Variants in RBMS2 observed in about 807,000 individuals in gnomAD.
RBMS2 encodes RNA-binding motif, single-stranded-interacting protein 2.
Under a neutral mutation model 58.4 loss-of-function variants are expected in RBMS2, and 38 were observed. The observed-to-expected ratio is 0.65, with a 90% CI of 0.50 to 0.85. RBMS2 has a LOEUF of 0.85. Ranked by LOEUF, RBMS2 falls within the 40% of genes least tolerant of loss-of-function variation. The probability of loss-of-function intolerance (pLI) is 0.00; values close to 1 mark genes in which losing one functional copy is unlikely to be tolerated. For missense variants in RBMS2, 367 were observed against 503.7 expected (o/e 0.73, Z 2.60); for synonymous variants, 151 against 180.7 (o/e 0.84, Z 1.32).
chr12:56,564,789 C>G (rs1029434794), intron 2 of RBMS2, among the ~76,000 whole-genome samples: 3 of 152,176 alleles, frequency 2.0e-5, no homozygotes, highest in African/African-American at 7.2e-5. Context: ...GCCTGGCCAA[C>G]ATGGTTAAAC....
chr12:56,583,947 T>C (rs1884321808), intron 9 of RBMS2, among the ~76,000 whole-genome samples: 3 of 152,204 alleles, frequency 2.0e-5, no homozygotes, highest in Admixed American at 6.5e-5. Flanking sequence ...CCTCAAACTT[T>C]AGCGATGTAT....
chr12:56,582,190 C>CT, intron 9 of RBMS2, 38 bp downstream of exon 9: 1 of 1,516,584 alleles, frequency 6.6e-7, no homozygotes, highest in South Asian at 1.2e-5. Context: ...GTGGTTTTCC[C>CT]TACTACTGTG....
At chr12:56,569,092 C>A in intron 3 of RBMS2, 59 bp downstream of exon 3, 1 of 1,460,944 alleles carries the variant, frequency 6.8e-7, no homozygotes, top group Non-Finnish European at 9.6e-7. Context: ...CATCCCTTGA[C>A]ACTGCCCTTT....
chr12:56,528,739 G>A (rs1394098047), intron 1 of RBMS2, among the ~76,000 whole-genome samples: 1 of 152,080 alleles, frequency 6.6e-6, no homozygotes, highest in Non-Finnish European at 1.5e-5. Context: ...CCAGCCCGGG[G>A]CAACATGGTG....
chr12:56,588,586 G>A lies in RBMS2; in HGVS notation c.1143+212G>A, dbSNP rs927605344. On this transcript the variant is annotated intron_variant, in intron 12 of 13. Transcript: ENST00000262031. ...GAGAAGATTATGGCCCCTGTGCAAG[G>A]ATGACATGCAAATTTGTGAAGCGTT... The A allele has an allele frequency of 8.5e-6, 5 of 586,962 alleles. No homozygotes were observed. The African/African-American group carries it at 9.3e-5, about 11-fold the overall frequency. The allele number at this position is 586,962 out of a possible 1,614,324, so 36.4% of individuals were successfully genotyped here. A position where few individuals can be genotyped will look rare whatever the true frequency, so the allele number is the denominator to read the frequency against.
chr12:56,543,812 C>T (rs375143571), intron 1 of RBMS2, among the ~76,000 whole-genome samples: 2 of 151,738 alleles, frequency 1.3e-5, no homozygotes, highest in African/African-American at 2.4e-5. Context: ...GGATTACAGG[C>T]GTGCGCCACC....
chr12:56,540,428 G>C (rs1199883689), intron 1 of RBMS2, among the ~76,000 whole-genome samples: 2 of 152,056 alleles, frequency 1.3e-5, no homozygotes, highest in Non-Finnish European at 2.9e-5. Context: ...GGCTGGAGTG[G>C]AGTGGTGTGA....
chr12:56,588,754 G>C, intron 12 of RBMS2, 178 bp from the exon 13 acceptor site: 1 of 658,456 alleles, frequency 1.5e-6, no homozygotes, highest in Non-Finnish European at 2.7e-6. Context: ...CTTGGGAAGA[G>C]GACAGGCTGT....
chr12:56,525,333 C>T (rs577328231), intron 1 of RBMS2, among the ~76,000 whole-genome samples: 37 of 149,334 alleles, frequency 2.5e-4, no homozygotes, highest in African/African-American at 7.6e-4. Context: ...GCGATTCTCC[C>T]GCCTCAACCT....
chr12:56,579,544 G>T (rs1883613179), intron 5 of RBMS2, among the ~76,000 whole-genome samples: 1 of 151,566 alleles, frequency 6.6e-6, no homozygotes. Context: ...TGAGGCAGGA[G>T]AATGGTGTGA....
At chr12:56,588,083 AGAG>A (rs1366940042) in intron 11 of RBMS2, among the ~76,000 whole-genome samples, 2 of 152,218 alleles carry the variant, frequency 1.3e-5, no homozygotes, top group African/African-American at 4.8e-5. Context: ...AAGTCAGGAA[AGAG>A]GAGGAAAATA....
chr12:56,561,766 CCT>C (rs201399147), intron 1 of RBMS2, among the ~76,000 whole-genome samples: 55,780 of 106,232 alleles, frequency 0.53, 10,927 homozygotes, highest in South Asian at 0.68. Context: ...CCACCCCCCC[CCT>C]CCTTGGCCTC....
chr12:56,587,696 C>G (rs768021560), intron 11 of RBMS2, 32 bp downstream of exon 11: 29 of 1,603,570 alleles, frequency 1.8e-5, no homozygotes, highest in Non-Finnish European at 2.4e-5. Context: ...TGTAAACTCT[C>G]CTACTGAGCA....
intron 1 of RBMS2, among the ~76,000 whole-genome samples, chr12:56,553,371 C>T (rs1020037521): frequency 6.6e-6 from 1 of 152,000 alleles, no homozygotes; most frequent in African/African-American, 2.4e-5. Context: ...TTCTGTCGCC[C>T]AGGCTGGAGG....
In RBMS2 at chr12:56,593,395, A is replaced by G. The variant is rs10783794; in HGVS notation, c.*4262A>G. On this transcript the variant is annotated 3_prime_UTR_variant, in exon 14 of 14. Coordinates refer to ENST00000262031, the MANE Select transcript of RBMS2 (RefSeq NM_002898.4). ...AGTGTCCAACTCCTGACCTCCAAAC[A>G]GCTAATTTTTGTATTTTTAATAGAG... The G allele has an allele frequency of 0.4, 60,405 of 151,706 alleles. 12,357 individuals are homozygous for G. Among genetic ancestry groups the G allele is most frequent in the African/African-American group, 0.48 (19,687 of 41,318 alleles). 9.4% of individuals were successfully genotyped at this position (151,706 alleles called of 1,614,324 possible). A position where few individuals can be genotyped will look rare whatever the true frequency, so the allele number is the denominator to read the frequency against.
At chr12:56,576,229 C>T (rs546639296) in intron 5 of RBMS2, among the ~76,000 whole-genome samples, 180 of 151,928 alleles carry the variant, frequency 1.2e-3, no homozygotes, top group African/African-American at 3.9e-3. Context: ...CCCAGGTACT[C>T]GGGAGGCTGA....
chr12:56,529,630 G>A lies in RBMS2; in HGVS notation c.66+7541G>A, dbSNP rs116629395. ...CTAGGGGAAAAAAAAAAGAAAAAAG[G>A]ATGGAATACTGATACATGCTAAATG... On this transcript the variant is annotated intron_variant, in intron 1 of 13. Transcript: ENST00000262031. Among the ~76,000 whole-genome samples, 1,287 of 152,162 alleles carry A rather than the reference G, an allele frequency of 8.5e-3. 19 individuals are homozygous for A. Among genetic ancestry groups the A allele is most frequent in the African/African-American group, 0.029 (1,220 of 41,526 alleles).
intron 1 of RBMS2, among the ~76,000 whole-genome samples, chr12:56,538,242 A>G (rs1443171699): frequency 6.6e-6 from 1 of 151,862 alleles, no homozygotes; most frequent in African/African-American, 2.4e-5. Context: ...CATGTTGGCC[A>G]GGCTGGTGTC....
At chr12:56,536,614 C>CTGGA (rs2136280033) in intron 1 of RBMS2, among the ~76,000 whole-genome samples, 1 of 151,060 alleles carries the variant, frequency 6.6e-6, no homozygotes, top group Admixed American at 6.6e-5. Context: ...GTCTCCCAGG[C>CTGGA]TGGAGTGCAG....
Sources: allele counts gnomAD v4.1 joint callset (sites outside exome capture counted in the v4.1 genomes callset), GRCh38; gene constraint gnomAD v4.1.1; transcripts MANE v1.5; gene names NCBI Gene and HGNC (gene_info 2026-07-23, HGNC 2026-07-21).